Variants in FBN1 observed in about 807,000 individuals in gnomAD.
The protein encoded by FBN1 is fibrillin 1.
In FBN1, 29 loss-of-function variants were observed where a neutral mutation model predicts 365.1. The ratio of observed to expected loss-of-function variants is 0.08; its 90% confidence interval spans 0.06 to 0.11. The LOEUF is 0.11. Ranked by LOEUF, FBN1 falls within the 10% of genes least tolerant of loss-of-function variation. The pLI is 1.00. For synonymous variants in FBN1, 1,210 were observed against 1,270.5 expected, an observed-to-expected ratio of 0.95 and a Z score of 1.01; for missense variants, 2,476 against 3,703.2, an observed-to-expected ratio of 0.67 and a Z score of 8.60.
rs765338162 is a variant in FBN1 at position 48,452,677 on chromosome 15, G to A, written c.5430C>T (p.Asp1810=). Reference sequence around the variant, plus strand: ...GGCACACTGGGCCGTTCTGACACTCGTCAATATCTACGAGCAGAAGAGAAC... The same window carrying A: ...GGCACACTGGGCCGTTCTGACACTCATCAATATCTACGAGCAGAAGAGAAC... The part of the protein sequence containing the change: ...NDKLLVCEDI[D]ECQNGPVCQR... Residue 1810 remains aspartate, a synonymous_variant, in exon 45 of 66, where the codon GAC becomes GAT. Transcript: ENST00000316623. 33 of 1,613,974 alleles carry A rather than the reference G, an allele frequency of 2.0e-5. No individual in the cohort carries two copies. The highest frequency in any genetic ancestry group is 1.4e-4 in the South Asian group (13 of 91,072).
At chr15:48,589,613 T>C (rs970282640) in intron 6 of FBN1, among the ~76,000 whole-genome samples, 7 of 137,584 alleles carry the variant, frequency 5.1e-5, no homozygotes, top group Non-Finnish European at 1.1e-4. Flanking sequence ...TACTTTCTTT[T>C]TTTTTTTTTT....
intron 2 of FBN1, among the ~76,000 whole-genome samples, chr15:48,621,007 A>ATATT (rs1889755606): frequency 6.6e-6 from 1 of 152,254 alleles, no homozygotes; most frequent in African/African-American, 2.4e-5. Flanking sequence ...GGAAGTGTAA[A>ATATT]TGGCCAAAGC....
chr15:48,531,844 C>T (rs1189049849), intron 8 of FBN1, among the ~76,000 whole-genome samples: 1 of 151,978 alleles, frequency 6.6e-6, no homozygotes, highest in Admixed American at 6.5e-5. Flanking sequence ...GGACATTCTC[C>T]TCTAGTATCA....
At chr15:48,495,337 A>G in intron 21 of FBN1, 77 bp from the exon 22 acceptor site, 2 of 1,596,980 alleles carry the variant, frequency 1.3e-6, no homozygotes, top group Middle Eastern at 2.1e-4. Flanking sequence ...AGACAAAAAT[A>G]GCATTTGAAA....
At chr15:48,567,401 TC>T (rs2044265556) in intron 6 of FBN1, among the ~76,000 whole-genome samples, 1 of 152,124 alleles carries the variant, frequency 6.6e-6, no homozygotes, top group African/African-American at 2.4e-5. Context: ...TTGTGTACCA[TC>T]CTTCCTTCCC....
chr15:48,459,039 C>G (rs1190068460), intron 43 of FBN1, among the ~76,000 whole-genome samples: 1 of 152,234 alleles, frequency 6.6e-6, no homozygotes, highest in East Asian at 1.9e-4. Flanking sequence ...CTTCCCCTCT[C>G]TGGGCCTCTG....
intron 8 of FBN1, among the ~76,000 whole-genome samples, chr15:48,531,267 T>C (rs866908517): frequency 4.0e-5 from 6 of 151,120 alleles, no homozygotes; most frequent in African/African-American, 1.2e-4. Context: ...TAACATTTCT[T>C]TTTTTTTTAG....
intron 55 of FBN1, among the ~76,000 whole-genome samples, chr15:48,431,123 AG>A (rs2043020140): frequency 6.6e-6 from 1 of 151,530 alleles, no homozygotes. Context: ...TTTTTGAAAG[AG>A]TCTCTCTCTG....
At chr15:48,598,804 T>C (rs557825181) in intron 5 of FBN1, among the ~76,000 whole-genome samples, 1 of 152,312 alleles carries the variant, frequency 6.6e-6, no homozygotes, top group South Asian at 2.1e-4. Context: ...GTGTGGATGG[T>C]GATACAGTTT....
chr15:48,434,421 CTCTT>C (rs1397190100), intron 54 of FBN1, among the ~76,000 whole-genome samples, 169 bp downstream of exon 54: 1 of 152,146 alleles, frequency 6.6e-6, no homozygotes, highest in African/African-American at 2.4e-5. Context: ...TTGGATATCT[CTCTT>C]TCCCTACAGA....
At chr15:48,419,729 A>G (rs2141219426) in intron 63 of FBN1, among the ~76,000 whole-genome samples, 1 of 152,284 alleles carries the variant, frequency 6.6e-6, no homozygotes, top group Middle Eastern at 3.4e-3. Flanking sequence ...GAACCCCTGC[A>G]ATGCAGAGCC....
chr15:48,556,290 C>A (rs1426671898), intron 6 of FBN1, among the ~76,000 whole-genome samples: 1 of 152,136 alleles, frequency 6.6e-6, no homozygotes, highest in African/African-American at 2.4e-5. Context: ...CAGGATGAAA[C>A]TACCACAAAA....
chr15:48,603,466 A>G (rs954106348), intron 4 of FBN1, among the ~76,000 whole-genome samples: 1 of 152,222 alleles, frequency 6.6e-6, no homozygotes, highest in African/African-American at 2.4e-5. Flanking sequence ...AAGTGAAAGA[A>G]CTAGATACGT....
intron 60 of FBN1, among the ~76,000 whole-genome samples, chr15:48,424,916 C>T (rs984711149): frequency 1.3e-5 from 2 of 152,238 alleles, no homozygotes; most frequent in Middle Eastern, 3.4e-3. Context: ...TTCTGCAGAA[C>T]AAAAATCTGG....
intron 45 of FBN1, 81 bp from the exon 46 acceptor site, chr15:48,448,974 G>A: frequency 8.3e-7 from 1 of 1,208,986 alleles, no homozygotes; most frequent in Non-Finnish European, 1.2e-6. Context: ...TCATTCTCAG[G>A]AGTAATCCTA....
chr15:48,643,852 C>G (rs1372984571), intron 2 of FBN1: 3 of 152,160 alleles, frequency 2.0e-5, no homozygotes, highest in Non-Finnish European at 4.4e-5. Context: ...AAAATGACAA[C>G]CCTTAGTCAA....
Position 48,412,736 on chromosome 15 carries a change from C to T in FBN1, c.8059G>A (p.Val2687Ile), listed in dbSNP as rs1464168530. ...CCTCGGCCCATGCCCATTCCAGAAA[C>T]ACAGTGCCTGCAGCAGAAGGGGAGC... ...GYFRIGQGHCVSGMGMGRGNP... is the reference protein window; with the variant it reads ...GYFRIGQGHCISGMGMGRGNP... Residue 2687 changes from valine to isoleucine, a missense_variant, in exon 65 of 66, where the codon GTT becomes ATT. By Grantham distance (29) the Val-to-Ile change is conservative. Transcript: ENST00000316623. 2 of 1,614,224 alleles carry T rather than the reference C, an allele frequency of 1.2e-6. No individual in the cohort carries two copies. Among genetic ancestry groups the T allele is most frequent in the East Asian group, 2.2e-5 (1 of 44,888 alleles).
chr15:48,614,675 A>C (rs1474051296), intron 2 of FBN1, among the ~76,000 whole-genome samples: 2 of 152,170 alleles, frequency 1.3e-5, no homozygotes, highest in Non-Finnish European at 2.9e-5. Context: ...AGAGGAAATG[A>C]TTGGATAGAG....
rs374705586 is a variant in FBN1 at position 48,437,359 on chromosome 15, T to G, written c.6342A>C (p.Gly2114=). Residue 2114 remains glycine, a synonymous_variant, in exon 52 of 66, where the codon GGA becomes GGC. Coordinates refer to ENST00000316623, the MANE Select transcript of FBN1 (RefSeq NM_000138.5). The stretch of plus-strand genomic sequence containing the variant: ...CATCAGGTCCCACGATGATCCCACT[T>G]CCATAAGGACATATCTGGCGGAAGG... ...DEAFRQICPY[G]SGIIVGPDDS... The G allele has an allele frequency of 2.4e-5, 39 of 1,613,448 alleles. No individual in the cohort carries two copies. In the African/African-American group the frequency reaches 4.5e-4, roughly 19 times the overall value.
Sources: gnomAD v4.1 joint callset for allele counts (sites outside exome capture counted in the v4.1 genomes callset) on GRCh38, gnomAD v4.1.1 for gene constraint, MANE v1.5 for transcripts, NCBI Gene and HGNC (gene_info 2026-07-23, HGNC 2026-07-21) for gene names.